RGS9: variants seen among roughly 807,000 people sequenced by gnomAD.
The protein encoded by RGS9 is regulator of G protein signaling 9, also known as regulator of G-protein signalling 9.
A neutral mutation model predicts 102.0 loss-of-function variants in RGS9; 78 were observed. The ratio of observed to expected loss-of-function variants is 0.76; its 90% CI spans 0.64 to 0.92. The LOEUF is 0.92. Among genes scored for constraint, RGS9 ranks in the 40% least tolerant of loss-of-function variants. RGS9 has a pLI of 0.00. For missense variants in RGS9, 833 were observed against 866.1 expected, an observed-to-expected ratio of 0.96 and a Z score of 0.48; for synonymous variants, 353 against 318.6, an observed-to-expected ratio of 1.11 and a Z score of -1.15.
At chr17:65,150,382 G>A (rs1042906731) in intron 1 of RGS9, among the ~76,000 whole-genome samples, 2 of 152,316 alleles carry the variant, frequency 1.3e-5, no homozygotes, top group South Asian at 4.1e-4. Flanking sequence ...AGCACTTTGG[G>A]AGGCTGAAGC....
At chr17:65,181,738 G>A (rs371988726) in intron 9 of RGS9, among the ~76,000 whole-genome samples, 13 of 152,306 alleles carry the variant, frequency 8.5e-5, no homozygotes, top group East Asian at 7.7e-4. Context: ...TGCCACTTCC[G>A]GTCCATGTGA....
At chr17:65,161,495 G>A (rs1451834709) in intron 6 of RGS9, among the ~76,000 whole-genome samples, 1 of 151,958 alleles carries the variant, frequency 6.6e-6, no homozygotes, top group African/African-American at 2.4e-5. Context: ...CAAGTGATCT[G>A]CCTGCCTCGG....
chr17:65,206,406 G>T (rs550898992), intron 15 of RGS9, among the ~76,000 whole-genome samples: 1 of 152,152 alleles, frequency 6.6e-6, no homozygotes, highest in South Asian at 2.1e-4. Flanking sequence ...TCGGCTGGGC[G>T]CAGTGGCTCA....
chr17:65,202,121 C>A (rs2144092103), intron 14 of RGS9, 41 bp downstream of exon 14: 1 of 1,341,042 alleles, frequency 7.5e-7, no homozygotes, highest in Non-Finnish European at 1.1e-6. Flanking sequence ...TCCCTTGGGC[C>A]TCTGAGGACC....
chr17:65,209,512 C>A (rs1567890527), intron 16 of RGS9, among the ~76,000 whole-genome samples: 1 of 152,244 alleles, frequency 6.6e-6, no homozygotes, highest in African/African-American at 2.4e-5. Context: ...CCCTCAAAGG[C>A]AGGTGGGCTC....
chr17:65,219,139 C>T (rs986197776), intron 17 of RGS9, among the ~76,000 whole-genome samples: 2 of 152,188 alleles, frequency 1.3e-5, no homozygotes, highest in African/African-American at 4.8e-5. Flanking sequence ...CTATGCAGCT[C>T]CTAGGGACTC....
At chr17:65,183,208 C>T (rs1050980776) in intron 9 of RGS9, among the ~76,000 whole-genome samples, 4 of 152,222 alleles carry the variant, frequency 2.6e-5, no homozygotes, top group South Asian at 2.1e-4. Flanking sequence ...CTGCAACCTC[C>T]GCCTCCTGGG....
intron 11 of RGS9, 105 bp downstream of exon 11, chr17:65,190,341 G>A: frequency 1.1e-6 from 1 of 922,412 alleles, no homozygotes; most frequent in South Asian, 1.3e-5. Flanking sequence ...TGAAGATTCA[G>A]CAGAACTGTG....
chr17:65,195,603 C>T (rs528727636), intron 12 of RGS9, among the ~76,000 whole-genome samples: 7 of 152,232 alleles, frequency 4.6e-5, no homozygotes, highest in African/African-American at 4.8e-5. Flanking sequence ...CGAAGTGCAT[C>T]GTGTCATTCA....
intron 15 of RGS9, among the ~76,000 whole-genome samples, 160 bp from the exon 16 acceptor site, chr17:65,207,762 A>G (rs1380870678): frequency 6.6e-6 from 1 of 152,172 alleles, no homozygotes; most frequent in Non-Finnish European, 1.5e-5. Flanking sequence ...CTTGAGAACC[A>G]CTGCTCTCAA....
At chr17:65,160,184 C>T in intron 3 of RGS9, 49 bp from the exon 4 acceptor site, 1 of 1,453,528 alleles carries the variant, frequency 6.9e-7, no homozygotes, top group East Asian at 2.3e-5. Flanking sequence ...GCAATGAGCT[C>T]CTGTCTCAGC....
chr17:65,215,789 G>A (rs147360536), intron 17 of RGS9, among the ~76,000 whole-genome samples: 3,482 of 152,066 alleles, frequency 0.023, 135 homozygotes, highest in African/African-American at 0.08. Context: ...TCGAACACCT[G>A]ACCTCAAGTG....
chr17:65,178,996 AC>A (rs2144038992), intron 9 of RGS9, among the ~76,000 whole-genome samples: 1 of 152,346 alleles, frequency 6.6e-6, no homozygotes, highest in African/African-American at 2.4e-5. Flanking sequence ...ACTCTGGCTG[AC>A]AACCACTGAT....
intron 11 of RGS9, among the ~76,000 whole-genome samples, chr17:65,192,403 C>T (rs896264339): frequency 1.3e-5 from 2 of 152,020 alleles, no homozygotes; most frequent in Non-Finnish European, 1.5e-5. Flanking sequence ...TTGCTTGAGT[C>T]TAGGAGTTGA....
At chr17:65,171,766 C>T (rs932326361) in intron 8 of RGS9, among the ~76,000 whole-genome samples, 2 of 152,196 alleles carry the variant, frequency 1.3e-5, no homozygotes, top group Admixed American at 6.5e-5. Flanking sequence ...TGAAGGAAAA[C>T]GATGTTTCTC....
chr17:65,227,210 T>C lies in RGS9; in HGVS notation c.1893-65T>C, dbSNP rs1019500096. 2.9e-5 allele frequency: 46 copies of C among 1,607,952 alleles called. No individual in the cohort carries two copies. In the Middle Eastern group the frequency reaches 6.6e-4, roughly 23 times the overall value. ...TTCATCTTCAAGGATGTCAGGATGATTTGGGGAGGTGCAGTCCCTCCTGCC... is the reference window on the plus strand; with the variant it reads ...TTCATCTTCAAGGATGTCAGGATGACTTGGGGAGGTGCAGTCCCTCCTGCC... On this transcript the variant is annotated intron_variant, in intron 18 of 18. Transcript: ENST00000262406.
At position 65,225,212 on chromosome 17, in the gene RGS9, G is replaced by A. The variant is rs376357539; in HGVS notation, c.1618G>A (p.Gly540Arg). 1 of 1,612,786 alleles carries A rather than the reference G, an allele frequency of 6.2e-7. No individual in the cohort carries two copies. The highest frequency in any genetic ancestry group is 8.5e-7 in the Non-Finnish European group (1 of 1,180,014). Reference protein sequence around the residue: ...LESSSGLEQKGECSGSMAPRG... With the variant: ...LESSSGLEQKRECSGSMAPRG... ...GAGCTCATCGGGCTTGGAGCAGAAA[G>A]GGGAGTGCAGCGGGTCCATGGCCCC... Residue 540 changes from glycine (G) to arginine (R), a missense_variant, in exon 18 of 19, where the codon GGG (glycine) becomes AGG (arginine). Around this residue, in one of 3 missense-constraint regions of RGS9, gnomAD observed 320 missense variants for 276.8 expected, o/e 1.16. Coordinates refer to ENST00000262406, the MANE Select transcript of RGS9 (RefSeq NM_003835.4).
chr17:65,172,845 G>A (rs1567871547), intron 8 of RGS9, among the ~76,000 whole-genome samples: 2 of 152,304 alleles, frequency 1.3e-5, no homozygotes, highest in South Asian at 2.1e-4. Context: ...AGATCCTCTA[G>A]GAGCTGACTT....
At position 65,227,325 on chromosome 17, in the gene RGS9, T is replaced by A; in HGVS notation, c.1943T>A (p.Met648Lys). Residue 648 changes from methionine (M) to lysine (K), a missense_variant, in exon 19 of 19, where the codon ATG becomes AAG. Met to Lys is a moderately conservative substitution (Grantham distance 95). Coordinates refer to ENST00000262406, the MANE Select transcript of RGS9 (RefSeq NM_003835.4). Reference protein sequence around the residue: ...DVPTGSGTCLMDSEDAGTGES... With the variant: ...DVPTGSGTCLKDSEDAGTGES... ...CCCACGGGGAGCGGGACCTGCTTGATGGACTCGGAGGATGCTGGAACAGGA... is the reference window on the plus strand; with the variant it reads ...CCCACGGGGAGCGGGACCTGCTTGAAGGACTCGGAGGATGCTGGAACAGGA... The A allele has an allele frequency of 1.9e-6, 3 of 1,614,142 alleles. No homozygotes were observed. Among genetic ancestry groups the A allele is most frequent in the Non-Finnish European group, 2.5e-6 (3 of 1,180,032 alleles).
Sources: allele counts gnomAD v4.1 joint callset (sites outside exome capture counted in the v4.1 genomes callset), GRCh38; gene constraint gnomAD v4.1.1; regional missense constraint gnomAD v4.1.1; transcripts MANE v1.5; gene names NCBI Gene and HGNC (gene_info 2026-07-23, HGNC 2026-07-21).